SLC12A7: variants seen among roughly 807,000 people sequenced by gnomAD.
SLC12A7 encodes solute carrier family 12 member 7, also known as K-Cl cotransporter 4.
SLC12A7 carries 100 observed loss-of-function variants against 120.6 expected under a neutral mutation model. That is an observed-to-expected ratio of 0.83 (90% CI 0.71 to 0.98). The LOEUF is 0.98. Ranked by LOEUF, SLC12A7 falls within the 50% of genes least tolerant of loss-of-function variation. The probability of loss-of-function intolerance (pLI) is 0.00; values close to 1 mark genes in which losing one functional copy is unlikely to be tolerated. For synonymous variants in SLC12A7, 760 were observed against 678.0 expected, an observed-to-expected ratio of 1.12 and a Z score of -1.88; for missense variants, 1,373 against 1,548.1, an observed-to-expected ratio of 0.89 and a Z score of 1.90.
At chr5:1,113,886 C>T (rs529335981), upstream of SLC12A7, among the ~76,000 whole-genome samples, 83 of 152,294 alleles carry the variant, frequency 5.4e-4, no homozygotes, top group African/African-American at 1.5e-3. Flanking sequence ...GCGCTATTCC[C>T]GAGGGTTGGA....
At chr5:1,059,792 C>G (rs944373585) in intron 21 of SLC12A7, among the ~76,000 whole-genome samples, 9 of 151,850 alleles carry the variant, frequency 5.9e-5, no homozygotes, top group Non-Finnish European at 1.2e-4. Flanking sequence ...GGCAACTCCC[C>G]TCCAGCTCGC....
intron 7 of SLC12A7, among the ~76,000 whole-genome samples, chr5:1,084,305 T>A (rs1289108385): frequency 2.6e-5 from 4 of 152,144 alleles, no homozygotes; most frequent in Non-Finnish European, 5.9e-5. Context: ...CGTAAACAAT[T>A]CACACGTTTT....
Position 1,051,588 on chromosome 5 carries a change from C to G in SLC12A7, c.*772G>C, listed in dbSNP as rs1293806554. On this transcript the variant is annotated 3_prime_UTR_variant, in exon 24 of 24. Coordinates refer to ENST00000264930, the MANE Select transcript of SLC12A7 (RefSeq NM_006598.3). The stretch of plus-strand genomic sequence containing the variant: ...TTCTAAAGGTGGATGGAGACTCGGA[C>G]AGCTGCAAACACAGCCCGGCATGGC... 6.6e-6 allele frequency: 1 copy of G among 152,316 alleles called. No individual in the cohort carries two copies. The highest frequency in any genetic ancestry group is 2.4e-5 in the African/African-American group (1 of 41,450). The allele number at this position is 152,316 out of a possible 1,614,324, so 9.4% of individuals were successfully genotyped here. A position where few individuals can be genotyped will look rare whatever the true frequency, so the allele number is the denominator to read the frequency against.
At chr5:1,065,562 C>T (rs573825228) in intron 17 of SLC12A7, 84 bp from the exon 18 acceptor site, 225 of 1,188,328 alleles carry the variant, frequency 1.9e-4, no homozygotes, top group Non-Finnish European at 2.4e-4. Context: ...CCAGGGCACC[C>T]GCACCACCTC....
chr5:1,128,272 C>T, the SLC12A7 span, among the ~76,000 whole-genome samples: 5 of 152,352 alleles, frequency 3.3e-5, no homozygotes, highest in East Asian at 9.6e-4. Flanking sequence ...GCCAGGTAAA[C>T]TCCCGCTGAT....
chr5:1,086,618 C>A (rs1579394440), intron 6 of SLC12A7, among the ~76,000 whole-genome samples: 1 of 152,236 alleles, frequency 6.6e-6, no homozygotes, highest in Non-Finnish European at 1.5e-5. Flanking sequence ...CAGGACTGCA[C>A]CTACGCGGGG....
At position 1,093,486 on chromosome 5, in the gene SLC12A7, G is replaced by C. The variant is rs755207322; in HGVS notation, c.342+47C>G. 13 of 1,567,112 alleles carry C rather than the reference G, an allele frequency of 8.3e-6. No individual in the cohort carries two copies. The Admixed American group carries it at 1.1e-4, about 13-fold the overall frequency. Reference sequence around the variant, plus strand: ...TTGCCGGCGTGATCTAACCCTGCCGGGACACACGGGGCGGGGACTGGGCGG... The same window carrying C: ...TTGCCGGCGTGATCTAACCCTGCCGCGACACACGGGGCGGGGACTGGGCGG... On this transcript the variant is annotated intron_variant, in intron 3 of 23. Coordinates refer to ENST00000264930, the MANE Select transcript of SLC12A7 (RefSeq NM_006598.3).
chr5:1,092,965 C>T (rs754574471), intron 3 of SLC12A7, among the ~76,000 whole-genome samples: 6 of 152,122 alleles, frequency 3.9e-5, no homozygotes, highest in Admixed American at 6.5e-5. Context: ...AGAACCCTCC[C>T]GAGGATGCTC....
At chr5:1,149,733 G>T in the SLC12A7 span, among the ~76,000 whole-genome samples, 1 of 151,954 alleles carries the variant, frequency 6.6e-6, no homozygotes, top group African/African-American at 2.4e-5. Context: ...TCTTTTTGAA[G>T]AAATGGCTAT....
At chr5:1,079,200 A>G (rs1444190191) in intron 10 of SLC12A7, among the ~76,000 whole-genome samples, 198 bp downstream of exon 10, 4 of 152,188 alleles carry the variant, frequency 2.6e-5, no homozygotes, top group Non-Finnish European at 5.9e-5. Context: ...CTACGATCGC[A>G]TCACACAGTG....
chr5:1,100,292 G>A (rs998720594), intron 1 of SLC12A7, among the ~76,000 whole-genome samples: 1 of 152,212 alleles, frequency 6.6e-6, no homozygotes, highest in Non-Finnish European at 1.5e-5. Context: ...CTGCAGACAC[G>A]CCGTCGGAAT....
At chr5:1,126,190 C>T in the SLC12A7 span, among the ~76,000 whole-genome samples, 1 of 152,150 alleles carries the variant, frequency 6.6e-6, no homozygotes, top group Admixed American at 6.5e-5. Context: ...AAGTGATTCT[C>T]GTGTCTCAGC....
At chr5:1,057,438 T>G (rs773596489) in intron 22 of SLC12A7, 33 bp downstream of exon 22, 2 of 1,578,178 alleles carry the variant, frequency 1.3e-6, no homozygotes, top group Non-Finnish European at 1.7e-6. Flanking sequence ...TGCCAGGATC[T>G]GTTCCCCCCA....
chr5:1,122,285 G>A, the SLC12A7 span, among the ~76,000 whole-genome samples: 1 of 152,148 alleles, frequency 6.6e-6, no homozygotes, highest in Non-Finnish European at 1.5e-5. Flanking sequence ...GGCGGGGTGG[G>A]ATTTTGGGGG....
intron 21 of SLC12A7, among the ~76,000 whole-genome samples, chr5:1,060,055 C>T (rs1311930971): frequency 6.6e-6 from 1 of 152,226 alleles, no homozygotes; most frequent in Non-Finnish European, 1.5e-5. Context: ...TCAAAGGTCT[C>T]GGCCCTCGTC....
At chr5:1,104,365 G>A (rs999635166) in intron 1 of SLC12A7, among the ~76,000 whole-genome samples, 6 of 152,222 alleles carry the variant, frequency 3.9e-5, no homozygotes, top group Admixed American at 1.3e-4. Context: ...CGTCTGCAAG[G>A]TGGACATCCC....
chr5:1,122,976 G>T, the SLC12A7 span, among the ~76,000 whole-genome samples: 1 of 152,248 alleles, frequency 6.6e-6, no homozygotes, highest in South Asian at 2.1e-4. Context: ...CGCCCTGGCT[G>T]CCTGGGGGCG....
chr5:1,142,298 C>G, the SLC12A7 span, among the ~76,000 whole-genome samples: 1 of 131,412 alleles, frequency 7.6e-6, no homozygotes, highest in Non-Finnish European at 1.7e-5. Context: ...CCCCTCCCCC[C>G]TCGCCCCTCC....
intron 8 of SLC12A7, 99 bp downstream of exon 8, chr5:1,083,646 G>T: frequency 8.0e-7 from 1 of 1,255,416 alleles, no homozygotes; most frequent in Non-Finnish European, 1.1e-6. Context: ...AGGAGGAATT[G>T]GGGCCCTGAG....
Sources: allele counts gnomAD v4.1 joint callset (sites outside exome capture counted in the v4.1 genomes callset), GRCh38; gene constraint gnomAD v4.1.1; transcripts MANE v1.5; gene names NCBI Gene and HGNC (gene_info 2026-07-23, HGNC 2026-07-21).